Variants in ABTB3 observed in about 807,000 individuals in gnomAD.
ABTB3 encodes ankyrin repeat and BTB domain containing 3.
At chr12:107,617,629 C>G in the ABTB3 span, 1 of 623,076 alleles carries the variant, frequency 1.6e-6, no homozygotes, top group African/African-American at 1.8e-5. Flanking sequence ...TGCACATCCA[C>G]TCAGAATGCT....
the ABTB3 span, among the ~76,000 whole-genome samples, chr12:107,345,982 C>T: frequency 6.6e-6 from 1 of 152,172 alleles, no homozygotes; most frequent in Non-Finnish European, 1.5e-5. Context: ...TCATTTTAGC[C>T]TTGTTGCACC....
chr12:107,384,181 T>C, the ABTB3 span, among the ~76,000 whole-genome samples: 735 of 152,316 alleles, frequency 4.8e-3, 6 homozygotes, highest in African/African-American at 0.012. Context: ...ATTTCCTATG[T>C]ATTGATGTGT....
At chr12:107,485,294 A>G in the ABTB3 span, among the ~76,000 whole-genome samples, 73 of 152,212 alleles carry the variant, frequency 4.8e-4, no homozygotes, top group South Asian at 0.012. Context: ...TTAACCAGTG[A>G]AAGTTGTCAT....
the ABTB3 span, chr12:107,650,031 A>T: frequency 0.17 from 25,698 of 152,118 alleles, 2,951 homozygotes; most frequent in East Asian, 0.5. Context: ...TCAGCAAAAG[A>T]GCCAGGATCT....
At chr12:107,468,153 G>T in the ABTB3 span, among the ~76,000 whole-genome samples, 1 of 152,108 alleles carries the variant, frequency 6.6e-6, no homozygotes, top group South Asian at 2.1e-4. Flanking sequence ...GGCAAAATGT[G>T]CCTCCCAGAA....
chr12:107,568,330 T>C, the ABTB3 span, among the ~76,000 whole-genome samples: 1 of 152,158 alleles, frequency 6.6e-6, no homozygotes, highest in Non-Finnish European at 1.5e-5. Context: ...TATAAAATCA[T>C]GGTAAAGGTG....
At chr12:107,358,758 C>A in the ABTB3 span, among the ~76,000 whole-genome samples, 1 of 152,286 alleles carries the variant, frequency 6.6e-6, no homozygotes, top group Non-Finnish European at 1.5e-5. Flanking sequence ...CCACACACAG[C>A]TAAGTTTTGT....
At chr12:107,509,973 T>G in the ABTB3 span, among the ~76,000 whole-genome samples, 9 of 152,328 alleles carry the variant, frequency 5.9e-5, no homozygotes, top group South Asian at 1.9e-3. Context: ...CCAGGTTGTC[T>G]CTGTCTATTA....
chr12:107,546,817 A>C, the ABTB3 span, among the ~76,000 whole-genome samples: 2 of 152,206 alleles, frequency 1.3e-5, no homozygotes, highest in Non-Finnish European at 2.9e-5. Flanking sequence ...GTGAGCCAAG[A>C]TCAGGCTACT....
the ABTB3 span, among the ~76,000 whole-genome samples, chr12:107,543,322 G>C: frequency 8.5e-6 from 1 of 117,416 alleles, no homozygotes. Context: ...CTGGGCAACA[G>C]AGCAAGACTC....
the ABTB3 span, among the ~76,000 whole-genome samples, chr12:107,565,613 T>G: frequency 6.6e-6 from 1 of 152,070 alleles, no homozygotes; most frequent in Non-Finnish European, 1.5e-5. Context: ...CCCCTCCATC[T>G]CCTGACCTCA....
the ABTB3 span, among the ~76,000 whole-genome samples, chr12:107,540,644 G>C: frequency 2.0e-5 from 3 of 152,108 alleles, no homozygotes; most frequent in African/African-American, 4.8e-5. Flanking sequence ...TTAGGACTTA[G>C]ATAACATAGA....
At chr12:107,491,184 C>T in the ABTB3 span, among the ~76,000 whole-genome samples, 2 of 152,182 alleles carry the variant, frequency 1.3e-5, no homozygotes, top group Non-Finnish European at 2.9e-5. Context: ...ATCTGTTCTT[C>T]CATCAGCCAA....
At chr12:107,520,656 C>T in the ABTB3 span, 7 of 1,613,500 alleles carry the variant, frequency 4.3e-6, no homozygotes, top group Non-Finnish European at 5.9e-6. Flanking sequence ...TGTTGGTTCT[C>T]CAGCTCTCAT....
chr12:107,375,650 A>G, the ABTB3 span, among the ~76,000 whole-genome samples: 4 of 152,118 alleles, frequency 2.6e-5, no homozygotes, highest in Non-Finnish European at 4.4e-5. Context: ...CCTGGTCTGT[A>G]GCACAGTGAT....
chr12:107,518,704 A>AAC, the ABTB3 span, among the ~76,000 whole-genome samples: 2 of 152,194 alleles, frequency 1.3e-5, no homozygotes, highest in Non-Finnish European at 2.9e-5. Context: ...ATACATATGT[A>AAC]ACAAACCTGC....
the ABTB3 span, among the ~76,000 whole-genome samples, chr12:107,616,317 G>C: frequency 1.3e-5 from 2 of 152,198 alleles, no homozygotes; most frequent in African/African-American, 4.8e-5. Context: ...TGCCAAGTAG[G>C]TGGCTCCCCC....
At chr12:107,457,544 C>G in the ABTB3 span, among the ~76,000 whole-genome samples, 1 of 152,200 alleles carries the variant, frequency 6.6e-6, no homozygotes, top group Non-Finnish European at 1.5e-5. Context: ...TGGATGGGGT[C>G]TCTGGGTACA....
At chr12:107,407,507 G>A in the ABTB3 span, among the ~76,000 whole-genome samples, 3 of 152,206 alleles carry the variant, frequency 2.0e-5, no homozygotes, top group Admixed American at 1.3e-4. Flanking sequence ...CAGGGGACAC[G>A]CTTCTCATGG....
Sources: gnomAD v4.1 joint callset for allele counts (sites outside exome capture counted in the v4.1 genomes callset) on GRCh38, gnomAD v4.1.1 for gene constraint, MANE v1.5 for transcripts, NCBI Gene and HGNC (gene_info 2026-07-23, HGNC 2026-07-21) for gene names.